The following B3GALT1 variants were observed in gnomAD, a reference collection of about 807,000 sequenced individuals.
B3GALT1 encodes beta-1,3-galactosyltransferase 1, also known as UDP-Gal:betaGlcNAc beta 1,3-galactosyltransferase, polypeptide 1.
Under a neutral mutation model 23.2 loss-of-function variants are expected in B3GALT1, and 10 were observed. That is an observed-to-expected ratio of 0.43 (90% confidence interval 0.27 to 0.73). B3GALT1 has a LOEUF of 0.73. B3GALT1 is among the 30% of genes least tolerant of loss of function. The pLI, the probability that B3GALT1 is intolerant of heterozygous loss-of-function variation, is 0.21. For missense variants in B3GALT1, 299 were observed against 405.4 expected (o/e 0.74, Z 2.25); for synonymous variants, 156 against 141.5 (o/e 1.10, Z -0.73).
intron 3 of B3GALT1, among the ~76,000 whole-genome samples, chr2:167,811,286 G>A (rs1183535934): frequency 1.3e-5 from 2 of 152,188 alleles, no homozygotes; most frequent in Admixed American, 6.5e-5. Flanking sequence ...TTTTGAGCAT[G>A]AGTTCTAACC....
At chr2:167,426,645 A>G (rs1698628067) in intron 1 of B3GALT1, among the ~76,000 whole-genome samples, 1 of 152,194 alleles carries the variant, frequency 6.6e-6, no homozygotes, top group Non-Finnish European at 1.5e-5. Context: ...TGGAACATAG[A>G]CAGTCCTAGT....
At chr2:167,603,689 T>C (rs1684912702) in intron 2 of B3GALT1, among the ~76,000 whole-genome samples, 2 of 152,240 alleles carry the variant, frequency 1.3e-5, no homozygotes, top group African/African-American at 4.8e-5. Flanking sequence ...CAGTTGCCTC[T>C]ATATGTGATT....
At chr2:167,835,328 C>A (rs979290342) in intron 4 of B3GALT1, among the ~76,000 whole-genome samples, 2 of 152,194 alleles carry the variant, frequency 1.3e-5, no homozygotes, top group African/African-American at 2.4e-5. Context: ...CACTCCCACC[C>A]GAATACTGTG....
intron 3 of B3GALT1, among the ~76,000 whole-genome samples, chr2:167,760,886 C>T (rs1191293556): frequency 6.6e-6 from 1 of 152,164 alleles, no homozygotes; most frequent in Non-Finnish European, 1.5e-5. Context: ...ATATCTTTGG[C>T]ATTCATCAAA....
chr2:167,588,644 T>C (rs1484028223), intron 2 of B3GALT1, among the ~76,000 whole-genome samples: 1 of 152,116 alleles, frequency 6.6e-6, no homozygotes, highest in Non-Finnish European at 1.5e-5. Context: ...TTCATGTGTT[T>C]ATTGGCATTT....
chr2:167,672,658 A>G (rs905867681), intron 3 of B3GALT1, among the ~76,000 whole-genome samples: 2 of 152,150 alleles, frequency 1.3e-5, no homozygotes, highest in Admixed American at 6.5e-5. Flanking sequence ...GAGATAATCA[A>G]AAGTACTTAC....
intron 3 of B3GALT1, among the ~76,000 whole-genome samples, chr2:167,659,615 T>G (rs1686021068): frequency 6.6e-6 from 1 of 152,064 alleles, no homozygotes; most frequent in Non-Finnish European, 1.5e-5. Context: ...AAAGTCCACC[T>G]GTGCTGGGCT....
chr2:167,680,344 C>T (rs1444543756), intron 3 of B3GALT1, among the ~76,000 whole-genome samples: 9 of 152,102 alleles, frequency 5.9e-5, no homozygotes, highest in African/African-American at 1.9e-4. Flanking sequence ...AACAAAAAGT[C>T]AATCTGTCAA....
chr2:167,704,494 G>A (rs1048620508), intron 3 of B3GALT1, among the ~76,000 whole-genome samples: 1 of 151,264 alleles, frequency 6.6e-6, no homozygotes, highest in African/African-American at 2.4e-5. Flanking sequence ...ATCATACCAT[G>A]CACACACACA....
At chr2:167,509,760 G>C (rs952090223) in intron 2 of B3GALT1, among the ~76,000 whole-genome samples, 1 of 152,160 alleles carries the variant, frequency 6.6e-6, no homozygotes, top group Non-Finnish European at 1.5e-5. Context: ...GATCAGCAAC[G>C]TTAAGGGGAA....
intron 3 of B3GALT1, among the ~76,000 whole-genome samples, chr2:167,667,812 C>T (rs571911789): frequency 6.6e-6 from 1 of 152,308 alleles, no homozygotes; most frequent in African/African-American, 2.4e-5. Flanking sequence ...ATCCTTTAAG[C>T]ACTTCTCTGT....
chr2:167,483,734 G>T (rs1206356303), intron 1 of B3GALT1, among the ~76,000 whole-genome samples: 2 of 152,130 alleles, frequency 1.3e-5, no homozygotes, highest in Non-Finnish European at 2.9e-5. Flanking sequence ...TTGTAAAATA[G>T]CTCAATCAGC....
chr2:167,791,922 G>A (rs1286937066), intron 3 of B3GALT1, among the ~76,000 whole-genome samples: 1 of 151,360 alleles, frequency 6.6e-6, no homozygotes, highest in African/African-American at 2.4e-5. Context: ...CAAAAATACT[G>A]GGCATGTAAT....
intron 2 of B3GALT1, among the ~76,000 whole-genome samples, chr2:167,559,758 AAG>A (rs1199878347): frequency 6.6e-6 from 1 of 152,178 alleles, no homozygotes; most frequent in Non-Finnish European, 1.5e-5. Context: ...TGAGAGAAAA[AAG>A]AATAAAAAGA....
intron 1 of B3GALT1, among the ~76,000 whole-genome samples, chr2:167,489,697 C>T (rs546994299): frequency 7.2e-5 from 11 of 152,150 alleles, no homozygotes; most frequent in African/African-American, 9.6e-5. Context: ...ATTAGAAAAA[C>T]TTAGGCATAG....
At chr2:167,371,359 A>T (rs963799632) in intron 1 of B3GALT1, among the ~76,000 whole-genome samples, 6 of 152,304 alleles carry the variant, frequency 3.9e-5, no homozygotes, top group Admixed American at 1.3e-4. Flanking sequence ...TAAGGAGTAT[A>T]TTGCTAAAAT....
chr2:167,793,167 T>G (rs1036656367), intron 3 of B3GALT1, among the ~76,000 whole-genome samples: 3 of 152,208 alleles, frequency 2.0e-5, no homozygotes, highest in Admixed American at 6.5e-5. Flanking sequence ...ATCTTTTCAC[T>G]CTCCATGCTG....
chr2:167,486,367 A>G (rs550248611), intron 1 of B3GALT1, among the ~76,000 whole-genome samples: 34 of 150,920 alleles, frequency 2.3e-4, no homozygotes, highest in African/African-American at 4.9e-4. Flanking sequence ...CAAAAAAAAA[A>G]AAAAGAAAAG....
chr2:167,620,044 G>A (rs771413711), intron 2 of B3GALT1, among the ~76,000 whole-genome samples: 28 of 152,096 alleles, frequency 1.8e-4, no homozygotes, highest in Admixed American at 6.6e-5. Context: ...AAAGTGGATC[G>A]TTAGGAAAAT....
Sources: allele counts gnomAD v4.1 joint callset (sites outside exome capture counted in the v4.1 genomes callset), GRCh38; gene constraint gnomAD v4.1.1; transcripts MANE v1.5; gene names NCBI Gene and HGNC (gene_info 2026-07-23, HGNC 2026-07-21).